Variants in PODXL2 observed in about 807,000 individuals in gnomAD.
PODXL2 encodes the protein podocalyxin-like protein 2.
PODXL2 carries 17 observed loss-of-function variants against 53.4 expected under a neutral mutation model. That is an observed-to-expected ratio of 0.32 (90% CI 0.22 to 0.48). The LOEUF (loss-of-function observed/expected upper bound fraction) is 0.48. Ranked by LOEUF, PODXL2 falls within the 20% of genes least tolerant of loss-of-function variation. PODXL2 has a pLI of 0.99. For synonymous variants in PODXL2, 311 were observed against 306.7 expected (o/e 1.01, Z -0.15); for missense variants, 673 against 760.0 (o/e 0.89, Z 1.35).
chr3:127,654,447 A>G (rs566417556), intron 2 of PODXL2, among the ~76,000 whole-genome samples: 13 of 152,114 alleles, frequency 8.5e-5, no homozygotes, highest in Admixed American at 3.9e-4. Flanking sequence ...CTGCTTTCAC[A>G]CTGCTGGTGT....
At position 127,672,559 on chromosome 3, in the gene PODXL2, C is replaced by G; in HGVS notation, c.*79C>G. On this transcript the variant is annotated 3_prime_UTR_variant, in exon 8 of 8. Transcript: ENST00000342480. ...CGAAACGGACGGCCCGGAGCCCGCACCAGCCCCGCGCCTACCCGGGCCGCC... is the reference window on the plus strand; with the variant it reads ...CGAAACGGACGGCCCGGAGCCCGCAGCAGCCCCGCGCCTACCCGGGCCGCC... 2 of 970,526 alleles carry G rather than the reference C, an allele frequency of 2.1e-6. No homozygotes were observed. The highest frequency in any genetic ancestry group is 2.9e-6 in the Non-Finnish European group (2 of 699,832). The allele number at this position is 970,526 out of a possible 1,614,324, so 60.1% of individuals were successfully genotyped here. A position where few individuals can be genotyped will look rare whatever the true frequency, so the allele number is the denominator to read the frequency against.
chr3:127,657,436 A>T (rs373163368), intron 2 of PODXL2, among the ~76,000 whole-genome samples: 2 of 152,162 alleles, frequency 1.3e-5, no homozygotes, highest in Non-Finnish European at 2.9e-5. Flanking sequence ...CACCATCTCT[A>T]TTAATGGCTT....
chr3:127,669,247 C>A, intron 6 of PODXL2, 45 bp downstream of exon 6: 1 of 1,309,960 alleles, frequency 7.6e-7, no homozygotes, highest in East Asian at 2.4e-5. Flanking sequence ...AATATGCTCC[C>A]TCCTGTCTCT....
At chr3:127,646,649 G>A (rs2074659163) in intron 2 of PODXL2, among the ~76,000 whole-genome samples, 1 of 152,240 alleles carries the variant, frequency 6.6e-6, no homozygotes, top group Admixed American at 6.5e-5. Flanking sequence ...GCCGCCCAAA[G>A]TGCTGGGATT....
chr3:127,648,457 T>C (rs1415058632), intron 2 of PODXL2, among the ~76,000 whole-genome samples: 2 of 152,340 alleles, frequency 1.3e-5, no homozygotes, highest in African/African-American at 4.8e-5. Flanking sequence ...GAGAGCACTT[T>C]TACTTAGACA....
At chr3:127,648,785 T>A (rs1322660295) in intron 2 of PODXL2, among the ~76,000 whole-genome samples, 2 of 150,574 alleles carry the variant, frequency 1.3e-5, no homozygotes, top group African/African-American at 4.9e-5. Flanking sequence ...ATTTTTGTAT[T>A]TCTTTTTTTT....
chr3:127,642,368 A>T lies in PODXL2; in HGVS notation c.349+2845A>T, dbSNP rs150520742. ...GACACAATCAAATTAAAACAATCTA[A>T]GGAGAGTTTGTTTATGAAGCAGCAG... On this transcript the variant is annotated intron_variant, in intron 2 of 7. Transcript: ENST00000342480. 5.9e-5 allele frequency among the ~76,000 whole-genome samples: 9 copies of T among 152,134 alleles called. No individual in the cohort carries two copies. In the East Asian group the frequency reaches 1.7e-3, roughly 29 times the overall value.
intron 1 of PODXL2, among the ~76,000 whole-genome samples, chr3:127,630,874 A>G (rs187640073): frequency 1.4e-4 from 21 of 152,310 alleles, no homozygotes; most frequent in South Asian, 2.1e-4. Flanking sequence ...TTGGTCTGCT[A>G]TTTCTTTGTG....
In PODXL2 at chr3:127,672,749, T is replaced by A; in HGVS notation, c.*269T>A. On this transcript the variant is annotated 3_prime_UTR_variant, in exon 8 of 8. Coordinates refer to ENST00000342480, the MANE Select transcript of PODXL2 (RefSeq NM_015720.4). ...GGCCCCGCGGGCGGCGGGCGGCGCT[T>A]CCTGCGCCCCGGGACTCAATTAAAC... 2.5e-6 allele frequency: 1 copy of A among 393,210 alleles called. No homozygotes were observed. The highest frequency in any genetic ancestry group is 4.4e-6 in the Non-Finnish European group (1 of 225,600). The allele number at this position is 393,210 out of a possible 1,614,324, so 24.4% of individuals were successfully genotyped here.
At chr3:127,646,886 C>T (rs950943137) in intron 2 of PODXL2, among the ~76,000 whole-genome samples, 1 of 152,180 alleles carries the variant, frequency 6.6e-6, no homozygotes, top group Non-Finnish European at 1.5e-5. Context: ...GGCCTGGCTT[C>T]TTGCCAAGGG....
Position 127,639,518 on chromosome 3 carries a change from C to A in PODXL2, c.344C>A (p.Thr115Asn). Residue 115 changes from threonine to asparagine, a missense_variant, in exon 2 of 8, where the codon ACT becomes AAT. This residue lies in a region of PODXL2 where 588 missense variants were observed against 668.3 expected (regional missense o/e 0.88). Transcript: ENST00000342480. Reference sequence around the variant, plus strand: ...GACTCAAGTCTGGACCTGGGACCCACTGCAGGTAGCTCTTCTTACCTACAG... The same window carrying A: ...GACTCAAGTCTGGACCTGGGACCCAATGCAGGTAGCTCTTCTTACCTACAG... ...LNDSSLDLGPTADYVFPDLTE... is the reference protein window; with the variant it reads ...LNDSSLDLGPNADYVFPDLTE... 2 of 1,610,550 alleles carry A rather than the reference C, an allele frequency of 1.2e-6. No homozygotes were observed. The highest frequency in any genetic ancestry group is 2.7e-5 in the African/African-American group (2 of 74,948).
chr3:127,634,190 C>T (rs1394882773), intron 1 of PODXL2, among the ~76,000 whole-genome samples: 1 of 152,106 alleles, frequency 6.6e-6, no homozygotes, highest in Non-Finnish European at 1.5e-5. Flanking sequence ...CTCTCGGAGG[C>T]CAAGGTGGGC....
intron 1 of PODXL2, among the ~76,000 whole-genome samples, chr3:127,630,472 G>T (rs749082478): frequency 6.6e-6 from 1 of 152,192 alleles, no homozygotes. Flanking sequence ...CATTTCCCAC[G>T]CAGCTGGCCC....
At chr3:127,651,427 C>T (rs192429668) in intron 2 of PODXL2, among the ~76,000 whole-genome samples, 4 of 152,304 alleles carry the variant, frequency 2.6e-5, no homozygotes, top group African/African-American at 7.2e-5. Context: ...CCTCTGAAGG[C>T]GGTGCTAGCA....
intron 1 of PODXL2, among the ~76,000 whole-genome samples, chr3:127,634,841 A>G (rs1275049008): frequency 6.6e-6 from 1 of 152,222 alleles, no homozygotes. Flanking sequence ...GACTCGGGTG[A>G]CTCACACACA....
In PODXL2 at chr3:127,672,431, A is replaced by T; in HGVS notation, c.1769A>T (p.Lys590Met). The change falls in exon 8 of 8, where the codon AAG becomes ATG. Residue 590 changes from lysine (K) to methionine (M), a missense_variant. Lys to Met is a moderately conservative substitution (Grantham distance 95). Transcript: ENST00000342480. Reference protein sequence around the residue: ...PGSWGALMGGKRDPEDSDVFE... With the variant: ...PGSWGALMGGMRDPEDSDVFE... The stretch of plus-strand genomic sequence containing the variant: ...AGCTGGGGGGCGCTCATGGGGGGCA[A>T]GCGGGACCCCGAGGACTCGGACGTG... 1 of 1,540,644 alleles carries T rather than the reference A, an allele frequency of 6.5e-7. No homozygotes were observed. The highest frequency in any genetic ancestry group is 8.7e-7 in the Non-Finnish European group (1 of 1,145,208).
intron 4 of PODXL2, 108 bp from the exon 5 acceptor site, chr3:127,668,333 G>A: frequency 9.6e-7 from 1 of 1,041,596 alleles, no homozygotes; most frequent in Non-Finnish European, 1.3e-6. Context: ...TGCCTCTCTT[G>A]GAACAGCCAG....
intron 2 of PODXL2, among the ~76,000 whole-genome samples, chr3:127,649,452 G>T (rs2074675694): frequency 6.6e-6 from 1 of 152,212 alleles, no homozygotes. Context: ...TGTCTTTAAA[G>T]CTTCTCGTTC....
chr3:127,645,432 G>A (rs546905844), intron 2 of PODXL2, among the ~76,000 whole-genome samples: 1 of 152,346 alleles, frequency 6.6e-6, no homozygotes, highest in African/African-American at 2.4e-5. Context: ...TAGCTCAAGA[G>A]GACTAGCTTC....
Sources: allele counts gnomAD v4.1 joint callset (sites outside exome capture counted in the v4.1 genomes callset), GRCh38; gene constraint gnomAD v4.1.1; regional missense constraint gnomAD v4.1.1; transcripts MANE v1.5; gene names NCBI Gene and HGNC (gene_info 2026-07-23, HGNC 2026-07-21).